Variants in MYO1F observed in about 807,000 individuals in gnomAD.
MYO1F encodes the protein myosin IF, also known as unconventional myosin-If.
Under a neutral mutation model 146.6 loss-of-function variants are expected in MYO1F, and 60 were observed. The observed-to-expected ratio is 0.41, with a 90% CI of 0.33 to 0.51. The LOEUF (loss-of-function observed/expected upper bound fraction) is 0.51, where lower values mean the gene tolerates loss of function less well. Among genes scored for constraint, MYO1F ranks in the 20% least tolerant of loss-of-function variants. The pLI is 0.25. For synonymous variants in MYO1F, 602 were observed against 602.1 expected, an observed-to-expected ratio of 1.00 and a Z score of 0.00; for missense variants, 1,274 against 1,534.3, an observed-to-expected ratio of 0.83 and a Z score of 2.83.
At chr19:8,561,520 CTT>C (rs1974125531) in intron 1 of MYO1F, among the ~76,000 whole-genome samples, 2 of 140,958 alleles carry the variant, frequency 1.4e-5, no homozygotes, top group Admixed American at 7.3e-5. Flanking sequence ...ATTCTTCTCT[CTT>C]TCTCTCTTCT....
intron 16 of MYO1F, among the ~76,000 whole-genome samples, chr19:8,537,513 C>T (rs1301707494): frequency 6.6e-6 from 1 of 152,136 alleles, no homozygotes; most frequent in Non-Finnish European, 1.5e-5. Flanking sequence ...GCCATCTTGG[C>T]TCACTGCAAC....
intron 13 of MYO1F, chr19:8,545,415 TGGG>T: frequency 1.9e-6 from 1 of 530,448 alleles, no homozygotes. Context: ...AACTGTGAGC[TGGG>T]GTTCCCGGGG....
At chr19:8,549,774 G>C (rs1371073438) in intron 10 of MYO1F, 2 of 277,884 alleles carry the variant, frequency 7.2e-6, no homozygotes, top group African/African-American at 4.5e-5. Context: ...CAAAGTGCTG[G>C]GATTACAGGC....
At chr19:8,539,484 T>C (rs1972866418) in intron 16 of MYO1F, among the ~76,000 whole-genome samples, 1 of 151,622 alleles carries the variant, frequency 6.6e-6, no homozygotes, top group Non-Finnish European at 1.5e-5. Flanking sequence ...TAATCCCAGC[T>C]ACTTAGGAGG....
In MYO1F at chr19:8,548,275, T is replaced by C. The variant is rs761915909; in HGVS notation, c.1144A>G (p.Ile382Val). Reference sequence around the variant, plus strand: ...AAGCCGTAAATGTCCAGCACACCGATGCTGTACTCTTCCTGGGGTTTCTGC... The same window carrying C: ...AAGCCGTAAATGTCCAGCACACCGACGCTGTACTCTTCCTGGGGTTTCTGC... ...AMQKPQEEYS[I>V]GVLDIYGFEI... is the part of the protein sequence containing the mutation. The change falls in exon 11 of 28, where the codon ATC becomes GTC. Residue 382 changes from isoleucine to valine, a missense_variant. By Grantham distance (29) the Ile-to-Val change is conservative (BLOSUM62 3). Around this residue, in one of 2 missense-constraint regions of MYO1F, gnomAD observed 900 missense variants for 1,155.1 expected, o/e 0.78. Transcript: ENST00000644032. 2.5e-6 allele frequency: 4 copies of C among 1,613,798 alleles called. No individual in the cohort carries two copies. Among genetic ancestry groups the C allele is most frequent in the African/African-American group, 2.7e-5 (2 of 74,848 alleles).
chr19:8,544,579 C>G, intron 13 of MYO1F, 115 bp from the exon 14 acceptor site: 2 of 657,086 alleles, frequency 3.0e-6, no homozygotes, highest in East Asian at 4.2e-5. Flanking sequence ...GGAGCTAGAG[C>G]TTTGGGGGTG....
rs925599081 is a variant in MYO1F at position 8,553,006 on chromosome 19, G to T, written c.504+133C>A. ...GAGCAGGAAGTGAGTCTCCCCTTCA[G>T]GAGTAGGTATTTCCTGCTGGGTTTT... On this transcript the variant is annotated intron_variant, in intron 6 of 27. Coordinates refer to ENST00000644032, the MANE Select transcript of MYO1F (RefSeq NM_012335.4). 34 of 856,420 alleles carry T rather than the reference G, an allele frequency of 4.0e-5. No individual in the cohort carries two copies. The South Asian group carries it at 4.6e-4, about 12-fold the overall frequency. The allele number at this position is 856,420 out of a possible 1,614,324, so 53.1% of individuals were successfully genotyped here.
chr19:8,564,353 C>T (rs906262133), intron 1 of MYO1F, among the ~76,000 whole-genome samples: 1 of 152,080 alleles, frequency 6.6e-6, no homozygotes, highest in African/African-American at 2.4e-5. Flanking sequence ...TGCACTTCAG[C>T]CTGGGCGACA....
Position 8,541,786 on chromosome 19 carries a change from G to A in MYO1F, c.1610+120C>T, listed in dbSNP as rs1372530058. On this transcript the variant is annotated intron_variant, in intron 15 of 27. Transcript: ENST00000644032. ...ATAGAAACACCATCCTGGCCGCACAGCCACTCCCCTCGAGTTTGTGGCGAG... is the reference window on the plus strand; with the variant it reads ...ATAGAAACACCATCCTGGCCGCACAACCACTCCCCTCGAGTTTGTGGCGAG... The A allele has an allele frequency of 3.2e-6, 3 of 929,612 alleles. No individual in the cohort carries two copies. In the African/African-American group the frequency reaches 4.9e-5, roughly 15 times the overall value. 57.6% of individuals were successfully genotyped at this position (929,612 alleles called of 1,614,324 possible).
At chr19:8,540,163 G>T in intron 15 of MYO1F, 135 bp from the exon 16 acceptor site, 1 of 656,098 alleles carries the variant, frequency 1.5e-6, no homozygotes, top group Non-Finnish European at 2.6e-6. Context: ...TGTGATGGGT[G>T]AGATGCAGAG....
Position 8,526,888 on chromosome 19 carries a change from C to T in MYO1F, c.2522G>A (p.Ser841Asn). The T allele has an allele frequency of 6.2e-7, 1 of 1,614,040 alleles. No homozygotes were observed. Among genetic ancestry groups the T allele is most frequent in the Non-Finnish European group, 8.5e-7 (1 of 1,180,002 alleles). ...FFILQEDAAD[S>N]FLESVFKTEF... ...GGTCTTGAAGACGCTCTCCAGGAAG[C>T]TGTCGGCGGCATCCTCTTGGAGGAT... The change falls in exon 23 of 28, where the codon AGC becomes AAC. Residue 841 changes from serine (S) to asparagine (N), a missense_variant. Ser to Asn is a conservative substitution (Grantham distance 46). Around this residue, in one of 2 missense-constraint regions of MYO1F, gnomAD observed 374 missense variants for 379.2 expected, o/e 0.99. Coordinates refer to ENST00000644032, the MANE Select transcript of MYO1F (RefSeq NM_012335.4).
chr19:8,530,173 G>C lies in MYO1F; in HGVS notation c.2328+23C>G. The C allele has an allele frequency of 1.2e-6, 2 of 1,613,890 alleles. No homozygotes were observed. The highest frequency in any genetic ancestry group is 1.7e-6 in the Non-Finnish European group (2 of 1,179,964). ...GCCAGGCTGTAGTCAGGGTCTTGCT[G>C]TGCCCACCCACTAGTGCCTCACCTT... On this transcript the variant is annotated intron_variant, in intron 21 of 27. Coordinates refer to ENST00000644032, the MANE Select transcript of MYO1F (RefSeq NM_012335.4). This position sits in a 1 kb window ranked among gnomAD's most constrained non-coding sequence, Gnocchi z 5.8.
At chr19:8,540,731 T>G in intron 15 of MYO1F, among the ~76,000 whole-genome samples, 1 of 142,018 alleles carries the variant, frequency 7.0e-6, no homozygotes, top group Non-Finnish European at 1.5e-5. Flanking sequence ...AAAAAAAAAA[T>G]CGGATTGTGG....
In MYO1F at chr19:8,530,020, A is replaced by C; in HGVS notation, c.2328+176T>G. 1 of 822,112 alleles carries C rather than the reference A, an allele frequency of 1.2e-6. No homozygotes were observed. 50.9% of individuals were successfully genotyped at this position (822,112 alleles called of 1,614,324 possible). A position where few individuals can be genotyped will look rare whatever the true frequency, so the allele number is the denominator to read the frequency against. ...TACCTGTGATGGAACAGATGGATCT[A>C]GGCTGGGGGATCTATGCCTGTGGGC... On this transcript the variant is annotated intron_variant, in intron 21 of 27. Transcript: ENST00000644032. This position sits in a 1 kb window ranked among gnomAD's most constrained non-coding sequence, Gnocchi z 5.8.
chr19:8,553,916 TCTCTCTCG>T (rs1456624585), intron 4 of MYO1F, among the ~76,000 whole-genome samples: 10 of 141,444 alleles, frequency 7.1e-5, no homozygotes, highest in African/African-American at 2.3e-4. Context: ...TCTCTCTCTC[TCTCTCTCG>T]CTCTCTTTCT....
chr19:8,544,066 T>TGGTGGTGGTGGTGGTGCTGGC, intron 14 of MYO1F: 1 of 545,834 alleles, frequency 1.8e-6, no homozygotes, highest in Non-Finnish European at 3.3e-6. Context: ...GTGGTGGTGG[T>TGGTGGTGGTGGTGGTGCTGGC]GGTGTCCAGA....
chr19:8,535,276 T>C (rs892136337), intron 19 of MYO1F, among the ~76,000 whole-genome samples: 1 of 152,194 alleles, frequency 6.6e-6, no homozygotes, highest in Non-Finnish European at 1.5e-5. Flanking sequence ...TCTTTGTTGT[T>C]GATGTTCTTA....
intron 16 of MYO1F, among the ~76,000 whole-genome samples, chr19:8,537,426 G>T (rs1972775068): frequency 6.6e-6 from 1 of 151,760 alleles, no homozygotes; most frequent in Non-Finnish European, 1.5e-5. Context: ...TTGGGTGTTT[G>T]TTTTTTTTGT....
chr19:8,547,987 C>T, intron 12 of MYO1F, 49 bp downstream of exon 12: 1 of 994,042 alleles, frequency 1.0e-6, no homozygotes, highest in Non-Finnish European at 1.6e-6. Context: ...GGTCCTTCCA[C>T]CCCACCCCCA....
Sources: allele counts gnomAD v4.1 joint callset (sites outside exome capture counted in the v4.1 genomes callset), GRCh38; gene constraint gnomAD v4.1.1; regional missense constraint gnomAD v4.1.1; non-coding constraint Gnocchi (gnomAD v3.1); transcripts MANE v1.5; gene names NCBI Gene and HGNC (gene_info 2026-07-23, HGNC 2026-07-21).